FOXN4: variants seen among roughly 807,000 people sequenced by gnomAD.
The protein encoded by FOXN4 is forkhead box N4, also known as forkhead box protein N4.
FOXN4 carries 12 observed loss-of-function variants against 45.0 expected under a neutral mutation model. That is an observed-to-expected ratio of 0.27 (90% confidence interval 0.17 to 0.43). FOXN4 has a LOEUF of 0.43. FOXN4 is among the 20% of genes least tolerant of loss of function. The pLI, the probability that FOXN4 is intolerant of heterozygous loss-of-function variation, is 1.00. For synonymous variants in FOXN4, 297 were observed against 295.0 expected, an observed-to-expected ratio of 1.01 and a Z score of -0.07; for missense variants, 560 against 694.9, an observed-to-expected ratio of 0.81 and a Z score of 2.18.
intron 1 of FOXN4, among the ~76,000 whole-genome samples, chr12:109,308,870 A>G (rs746216125): frequency 2.0e-5 from 3 of 152,080 alleles, no homozygotes; most frequent in Non-Finnish European, 4.4e-5. Flanking sequence ...CAACACACAA[A>G]CACTGCCTTA....
rs1051984282 is a variant in FOXN4 at position 109,279,475 on chromosome 12, G to A, written c.*196C>T. ...TGGAAGAGCCCCCAGAAACTGCTCCGGAAGCTCCAGGGGGAGGCACGAGAA... is the reference window on the plus strand; with the variant it reads ...TGGAAGAGCCCCCAGAAACTGCTCCAGAAGCTCCAGGGGGAGGCACGAGAA... On this transcript the variant is annotated 3_prime_UTR_variant, in exon 10 of 10. Transcript: ENST00000299162. 1.2e-5 allele frequency: 9 copies of A among 772,532 alleles called. No individual in the cohort carries two copies. The highest frequency in any genetic ancestry group is 3.5e-5 in the African/African-American group (2 of 56,998). The allele number at this position is 772,532 out of a possible 1,614,324, so 47.9% of individuals were successfully genotyped here.
At chr12:109,279,978 C>T (rs187128224) in intron 9 of FOXN4, 48 bp from the exon 10 acceptor site, 2 of 1,606,560 alleles carry the variant, frequency 1.2e-6, no homozygotes, top group African/African-American at 1.3e-5. Context: ...CATCAAATGA[C>T]CTGAGTTCGA....
intron 2 of FOXN4, among the ~76,000 whole-genome samples, chr12:109,303,521 A>T (rs2047886011): frequency 6.6e-6 from 1 of 152,248 alleles, no homozygotes; most frequent in South Asian, 2.1e-4. Context: ...ATTGCAGTCC[A>T]CAGATAAGAG....
rs936920613 is a variant in FOXN4, at chr12:109,307,871, G to GT, written c.86+364dup. Among the ~76,000 whole-genome samples the GT allele has an allele frequency of 1.1e-3, 162 of 151,400 alleles. 2 individuals carry two copies. Among genetic ancestry groups the GT allele is most frequent in the African/African-American group, 3.8e-3 (156 of 41,246 alleles). On this transcript the variant is annotated intron_variant, in intron 2 of 9. Transcript: ENST00000299162. ...GATAGAACCCAATTCCTCCCAGAAGGTTTTTTTTTGGCAGGGGGTGGGGGA... is the reference window on the plus strand; with the variant it reads ...GATAGAACCCAATTCCTCCCAGAAGGTTTTTTTTTTGGCAGGGGGTGGGGGA...
intron 2 of FOXN4, among the ~76,000 whole-genome samples, chr12:109,292,256 A>C (rs1176572477): frequency 1.3e-5 from 2 of 152,154 alleles, no homozygotes; most frequent in African/African-American, 4.8e-5. Context: ...GGAGAAGTGG[A>C]GATGGGTCCC....
At chr12:109,285,692 G>A (rs1211871378) in intron 7 of FOXN4, among the ~76,000 whole-genome samples, 181 bp from the exon 8 acceptor site, 1 of 152,084 alleles carries the variant, frequency 6.6e-6, no homozygotes, top group Non-Finnish European at 1.5e-5. Flanking sequence ...GCCAACTGGT[G>A]TGGCCATGCC....
Position 109,286,758 on chromosome 12 carries a change from G to T in FOXN4, c.597-14C>A, listed in dbSNP as rs1324222483. 3 of 1,599,964 alleles carry T rather than the reference G, an allele frequency of 1.9e-6. No homozygotes were observed. The Admixed American group carries it at 5.0e-5, about 27-fold the overall frequency. Reference sequence around the variant, plus strand: ...GCGATCAGACAGCTGGGGGCAGGAGGTGGGGCAGGGCAGGGCAGGGCAGGA... The same window carrying T: ...GCGATCAGACAGCTGGGGGCAGGAGTTGGGGCAGGGCAGGGCAGGGCAGGA... On this transcript the variant is annotated splice_polypyrimidine_tract_variant and intron_variant, in intron 6 of 9. Transcript: ENST00000299162.
At chr12:109,304,290 A>AG (rs2047900254) in intron 2 of FOXN4, among the ~76,000 whole-genome samples, 1 of 53,512 alleles carries the variant, frequency 1.9e-5, no homozygotes, top group Admixed American at 2.2e-4. Context: ...AAAGAAAGAA[A>AG]GAAAGGAGAA....
Position 109,281,847 on chromosome 12 carries a change from G to A in FOXN4, c.902-48C>T, listed in dbSNP as rs776847135. 14 of 1,510,124 alleles carry A rather than the reference G, an allele frequency of 9.3e-6. No homozygotes were observed. In the Admixed American group the frequency reaches 1.0e-4, roughly 11 times the overall value. 93.5% of individuals were successfully genotyped at this position (1,510,124 alleles called of 1,614,324 possible). On this transcript the variant is annotated intron_variant, in intron 8 of 9. Coordinates refer to ENST00000299162, the MANE Select transcript of FOXN4 (RefSeq NM_213596.3). ...ACTCAGAACCCACCCAGCAGTTACC[G>A]GGCCCCAGCCCAGGCCTGGGTTCAA... is the stretch of plus-strand genomic sequence containing the variant.
At chr12:109,308,139 TAAC>T in intron 2 of FOXN4, 94 bp downstream of exon 2, 1 of 996,854 alleles carries the variant, frequency 1.0e-6, no homozygotes, top group South Asian at 1.9e-5. Flanking sequence ...GAATTGAACA[TAAC>T]AATAGTTCTT....
chr12:109,281,291 T>C (rs895410785), intron 9 of FOXN4, 116 bp downstream of exon 9: 4 of 1,376,114 alleles, frequency 2.9e-6, no homozygotes, highest in Non-Finnish European at 4.0e-6. Context: ...GTTGTTGCTA[T>C]GGGAACAAGA....
chr12:109,296,645 G>A (rs1389733245), intron 2 of FOXN4, among the ~76,000 whole-genome samples: 2 of 152,160 alleles, frequency 1.3e-5, no homozygotes, highest in African/African-American at 4.8e-5. Flanking sequence ...CCCCTGCTGG[G>A]TGCAGGCAGC....
intron 2 of FOXN4, among the ~76,000 whole-genome samples, chr12:109,303,546 G>A (rs2047886150): frequency 6.6e-6 from 1 of 152,234 alleles, no homozygotes; most frequent in Admixed American, 6.5e-5. Context: ...ACCATCCAGA[G>A]AGAGGAAGGG....
intron 2 of FOXN4, among the ~76,000 whole-genome samples, chr12:109,295,615 G>T (rs1292300576): frequency 6.6e-6 from 1 of 152,208 alleles, no homozygotes; most frequent in Non-Finnish European, 1.5e-5. Context: ...GCGAAACCCT[G>T]TCTCTACTAA....
At position 109,290,241 on chromosome 12, in the gene FOXN4, C is replaced by A; in HGVS notation, c.132G>T (p.Gln44His). ...TSDDDLPGDL[Q>H]SLSWLTAVDV... is the part of the protein sequence containing the mutation. ...CCACCGCCGTGAGCCACGACAGCGA[C>A]TGCAGGTCCCCGGGAAGGTCATCAT... The change falls in exon 3 of 10, where the codon CAG (glutamine) becomes CAT (histidine). Residue 44 changes from glutamine to histidine, a missense_variant. This residue lies in a region of FOXN4 where 142 missense variants were observed against 185.7 expected (regional missense o/e 0.76). Transcript: ENST00000299162. The surrounding 1 kb of genome is among the most constrained non-coding windows in gnomAD (Gnocchi z 5.1). 11 of 1,551,512 alleles carry A rather than the reference C, an allele frequency of 7.1e-6. No individual in the cohort carries two copies. Among genetic ancestry groups the A allele is most frequent in the South Asian group, 1.2e-5 (1 of 84,038 alleles).
At chr12:109,293,263 G>A (rs1468325178) in intron 2 of FOXN4, among the ~76,000 whole-genome samples, 4 of 152,104 alleles carry the variant, frequency 2.6e-5, no homozygotes, top group Non-Finnish European at 5.9e-5. Flanking sequence ...CCAGGGTTGG[G>A]GTCCTGACTC....
intron 8 of FOXN4, among the ~76,000 whole-genome samples, chr12:109,282,873 G>T (rs2047666204): frequency 6.6e-6 from 1 of 151,816 alleles, no homozygotes. Flanking sequence ...AAAATAACTT[G>T]CCCAAGACTT....
intron 7 of FOXN4, among the ~76,000 whole-genome samples, 171 bp downstream of exon 7, chr12:109,286,477 C>A (rs564098712): frequency 1.3e-5 from 2 of 152,210 alleles, no homozygotes; most frequent in African/African-American, 4.8e-5. Context: ...AAATGCCCCC[C>A]TCTCTTTCTG....
At position 109,285,298 on chromosome 12, in the gene FOXN4, C is replaced by A. The variant is rs773386728; in HGVS notation, c.901+6G>T. The A allele has an allele frequency of 6.2e-7, 1 of 1,600,744 alleles. No individual in the cohort carries two copies. Among genetic ancestry groups the A allele is most frequent in the Admixed American group, 1.7e-5 (1 of 58,614 alleles). ...GTGCGCGCACTGCGGGCTGTCCGGCCCTCACCAGGGTTGGCCATACTCCGG... is the reference window on the plus strand; with the variant it reads ...GTGCGCGCACTGCGGGCTGTCCGGCACTCACCAGGGTTGGCCATACTCCGG... On this transcript the variant is annotated splice_donor_region_variant and intron_variant, in intron 8 of 9. Coordinates refer to ENST00000299162, the MANE Select transcript of FOXN4 (RefSeq NM_213596.3).
Sources: allele counts gnomAD v4.1 joint callset (sites outside exome capture counted in the v4.1 genomes callset), GRCh38; gene constraint gnomAD v4.1.1; regional missense constraint gnomAD v4.1.1; non-coding constraint Gnocchi (gnomAD v3.1); transcripts MANE v1.5; gene names NCBI Gene and HGNC (gene_info 2026-07-23, HGNC 2026-07-21).